GSTA3: variants seen among roughly 807,000 people sequenced by gnomAD.
GSTA3 encodes the protein glutathione S-transferase alpha 3, also known as glutathione S-transferase A3.
Under a neutral mutation model 23.1 loss-of-function variants are expected in GSTA3, and 16 were observed. The observed-to-expected ratio is 0.69, with a 90% CI of 0.47 to 1.05. The LOEUF (loss-of-function observed/expected upper bound fraction) is 1.05. GSTA3 is among the 50% of genes least tolerant of loss of function. The probability of loss-of-function intolerance (pLI) is 0.00; values close to 1 mark genes in which losing one functional copy is unlikely to be tolerated. For missense variants in GSTA3, 319 were observed against 263.6 expected (o/e 1.21, Z -1.46); for synonymous variants, 122 against 91.0 (o/e 1.34, Z -1.94).
intron 5 of GSTA3, 26 bp from the exon 6 acceptor site, chr6:52,897,982 G>A: frequency 1.2e-6 from 2 of 1,613,618 alleles, no homozygotes; most frequent in East Asian, 2.2e-5. Context: ...AATCAGATCA[G>A]GAATACATGC....
At chr6:52,905,502 T>G (rs1765860956) in intron 2 of GSTA3, among the ~76,000 whole-genome samples, 1 of 152,124 alleles carries the variant, frequency 6.6e-6, no homozygotes, top group South Asian at 2.1e-4. Context: ...CCACTCATTG[T>G]GATTAGTTAA....
At position 52,905,733 on chromosome 6, in the gene GSTA3, T is replaced by C; in HGVS notation, c.87+15A>G. On this transcript the variant is annotated intron_variant, in intron 2 of 6. Transcript: ENST00000211122. The stretch of plus-strand genomic sequence containing the variant: ...CAATTAGGTCCAACTTAAGATGACC[T>C]AACTTAGAACATACCTCCACTCCAG... 6.7e-7 allele frequency: 1 copy of C among 1,498,942 alleles called. No homozygotes were observed. The highest frequency in any genetic ancestry group is 1.1e-5 in the South Asian group (1 of 87,762). The allele number at this position is 1,498,942 out of a possible 1,614,324, so 92.9% of individuals were successfully genotyped here.
chr6:52,902,080 T>A (rs983357398), intron 4 of GSTA3, among the ~76,000 whole-genome samples: 4 of 152,184 alleles, frequency 2.6e-5, no homozygotes, highest in African/African-American at 9.7e-5. Flanking sequence ...TCCTCCTGAG[T>A]TCATGGTTCA....
intron 1 of GSTA3, among the ~76,000 whole-genome samples, chr6:52,907,644 T>C (rs1437055573): frequency 6.6e-6 from 1 of 151,620 alleles, no homozygotes; most frequent in East Asian, 1.9e-4. Context: ...TATGCAGCCA[T>C]AAAAAATGAT....
At chr6:52,897,564 G>C (rs539013576) in intron 6 of GSTA3, among the ~76,000 whole-genome samples, 1 of 152,200 alleles carries the variant, frequency 6.6e-6, no homozygotes, top group Non-Finnish European at 1.5e-5. Context: ...GGGGGAGGAA[G>C]GAAGATGCTG....
At chr6:52,903,307 G>A (rs1765758597) in intron 3 of GSTA3, among the ~76,000 whole-genome samples, 1 of 151,902 alleles carries the variant, frequency 6.6e-6, no homozygotes, top group South Asian at 2.1e-4. Context: ...TTCAACTGTG[G>A]CCGGGCACGG....
chr6:52,899,890 G>A, intron 5 of GSTA3, 44 bp downstream of exon 5: 1 of 1,598,120 alleles, frequency 6.3e-7, no homozygotes, highest in Non-Finnish European at 8.6e-7. Flanking sequence ...TTTTCTACTG[G>A]CCTCTAAACT....
chr6:52,906,339 A>G (rs1427489621), intron 1 of GSTA3, among the ~76,000 whole-genome samples: 2 of 152,182 alleles, frequency 1.3e-5, no homozygotes, highest in Non-Finnish European at 2.9e-5. Flanking sequence ...CTGGATTAGA[A>G]CCTAGGTCTT....
chr6:52,897,745 G>A (rs1765505576), intron 6 of GSTA3, 80 bp downstream of exon 6: 1 of 1,526,366 alleles, frequency 6.6e-7, no homozygotes, highest in Non-Finnish European at 9.1e-7. Context: ...GTCAGAACAT[G>A]GCCAGTCCAA....
rs750761624 is a variant in GSTA3 at position 52,897,918 on chromosome 6, G to C, written c.453C>G (p.Asn151Lys). ...GGCTAATGTCAGCCCGGCTCAGCTT[G>C]TTGCCAACAAGGTAGTCTTGTCCAT... ...QSHGQDYLVG[N>K]KLSRADISLV... Residue 151 changes from asparagine to lysine, a missense_variant, in exon 6 of 7, where the codon AAC becomes AAG. Asn to Lys is a moderately conservative substitution (Grantham distance 94). Transcript: ENST00000211122. The C allele has an allele frequency of 5.6e-6, 9 of 1,613,906 alleles. No individual in the cohort carries two copies. The East Asian group carries it at 2.0e-4, about 36-fold the overall frequency.
rs2127366531 is a variant in GSTA3 at position 52,909,636 on chromosome 6, C to T, written c.-22+5G>A. On this transcript the variant is annotated splice_donor_5th_base_variant and intron_variant, in intron 1 of 6. Transcript: ENST00000211122. ...TTTATGAAGATGTTTAAGGTCAATA[C>T]TAACTTGAGTAAAGTCTAGCCGGTC... 6.6e-6 allele frequency: 1 copy of T among 152,278 alleles called. No homozygotes were observed. The highest frequency in any genetic ancestry group is 1.5e-5 in the Non-Finnish European group (1 of 68,028). 9.4% of individuals were successfully genotyped at this position (152,278 alleles called of 1,614,324 possible). A position where few individuals can be genotyped will look rare whatever the true frequency, so the allele number is the denominator to read the frequency against.
At chr6:52,905,442 T>C (rs533851102) in intron 2 of GSTA3, among the ~76,000 whole-genome samples, 1 of 152,222 alleles carries the variant, frequency 6.6e-6, no homozygotes, top group East Asian at 1.9e-4. Flanking sequence ...AATTTTTATG[T>C]GTCATAAGTT....
chr6:52,908,184 T>A (rs1391533800), intron 1 of GSTA3, among the ~76,000 whole-genome samples: 2 of 148,728 alleles, frequency 1.3e-5, no homozygotes, highest in African/African-American at 2.5e-5. Context: ...GCCATTTGCC[T>A]ATAGCGCTCA....
chr6:52,905,836 G>A lies in GSTA3; in HGVS notation c.-2C>T. The A allele has an allele frequency of 6.3e-7, 1 of 1,578,074 alleles. No homozygotes were observed. ...GTGAAGCTTGGGCTTCCCTGCCATG[G>A]TAACAGTCTCTTGGTTTCTCTAAAA... is the stretch of plus-strand genomic sequence containing the variant. On this transcript the variant is annotated 5_prime_UTR_variant, in exon 2 of 7. Transcript: ENST00000211122.
rs200269918 is a variant in GSTA3 at position 52,902,387 on chromosome 6, G to T, written c.231C>A (p.Ser77Arg). The T allele has an allele frequency of 1.2e-6, 2 of 1,613,824 alleles. No individual in the cohort carries two copies. The highest frequency in any genetic ancestry group is 1.7e-6 in the Non-Finnish European group (2 of 1,179,896). ...QTRAILNYIA[S>R]KYNLYGKDIK... ...TGTCTTTCCCGTAGAGGTTGTATTT[G>T]CTGGCAATGTAGTTGAGAATGGCTC... The change falls in exon 4 of 7, where the codon AGC becomes AGA. Residue 77 changes from serine to arginine, a missense_variant. By Grantham distance (110) the Ser-to-Arg change is moderately radical. Coordinates refer to ENST00000211122, the MANE Select transcript of GSTA3 (RefSeq NM_000847.5).
At chr6:52,899,216 G>C (rs957356845) in intron 5 of GSTA3, among the ~76,000 whole-genome samples, 1 of 152,140 alleles carries the variant, frequency 6.6e-6, no homozygotes, top group African/African-American at 2.4e-5. Flanking sequence ...ATTGCTTTAC[G>C]AGGTAGTTAA....
intron 1 of GSTA3, among the ~76,000 whole-genome samples, chr6:52,908,355 T>A (rs1382754931): frequency 6.7e-6 from 1 of 149,166 alleles, no homozygotes; most frequent in East Asian, 2.0e-4. Context: ...AGTCTCTATT[T>A]AAAAAAAAAA....
At chr6:52,897,120 G>C (rs191980650) in intron 6 of GSTA3, among the ~76,000 whole-genome samples, 192 bp from the exon 7 acceptor site, 1 of 152,258 alleles carries the variant, frequency 6.6e-6, no homozygotes, top group South Asian at 2.1e-4. Flanking sequence ...TTTATTTTCC[G>C]CAAAGATGTC....
intron 1 of GSTA3, among the ~76,000 whole-genome samples, chr6:52,907,461 T>A (rs1765930699): frequency 6.7e-6 from 1 of 149,688 alleles, no homozygotes; most frequent in Non-Finnish European, 1.5e-5. Flanking sequence ...GACCCAGCCA[T>A]CCCATTACTG....
Sources: allele counts gnomAD v4.1 joint callset (sites outside exome capture counted in the v4.1 genomes callset), GRCh38; gene constraint gnomAD v4.1.1; transcripts MANE v1.5; gene names NCBI Gene and HGNC (gene_info 2026-07-23, HGNC 2026-07-21).